The following OTUD7B variants were observed in gnomAD, a reference collection of about 807,000 sequenced individuals.
The protein encoded by OTUD7B is OTU deubiquitinase 7B, also known as OTU domain-containing protein 7B.
OTUD7B carries 34 observed loss-of-function variants against 82.2 expected under a neutral mutation model. The observed-to-expected ratio is 0.41, with a 90% CI of 0.31 to 0.55. The LOEUF (loss-of-function observed/expected upper bound fraction) is 0.55, where lower values mean the gene tolerates loss of function less well. Ranked by LOEUF, OTUD7B falls within the 20% of genes least tolerant of loss-of-function variation. The pLI, the probability that OTUD7B is intolerant of heterozygous loss-of-function variation, is 0.20. For synonymous variants in OTUD7B, 398 were observed against 402.7 expected (o/e 0.99, Z 0.14); for missense variants, 944 against 1,062.1 (o/e 0.89, Z 1.55).
rs587713941 is a variant in OTUD7B at position 149,968,796 on chromosome 1, T to C, written c.275-1275A>G. ...TGCAGTCTCGGCTCACTGCAACCTC[T>C]GCCTCCCAGGTTCAAGGGATTCTCC... On this transcript the variant is annotated intron_variant, in intron 3 of 11. Transcript: ENST00000581312. 9.2e-5 allele frequency among the ~76,000 whole-genome samples: 14 copies of C among 152,248 alleles called. No individual in the cohort carries two copies. The East Asian group carries it at 2.5e-3, about 27-fold the overall frequency.
chr1:149,997,306 G>C (rs587725419), intron 1 of OTUD7B, among the ~76,000 whole-genome samples: 1 of 152,076 alleles, frequency 6.6e-6, no homozygotes, highest in African/African-American at 2.4e-5. Flanking sequence ...GCTATTCAAC[G>C]CTGTAAAAAA....
At chr1:149,954,511 T>C (rs1553774164) in intron 7 of OTUD7B, among the ~76,000 whole-genome samples, 1 of 152,176 alleles carries the variant, frequency 6.6e-6, no homozygotes, top group Admixed American at 6.5e-5. Context: ...AAATTCTCTT[T>C]TTTTGTTGTG....
intron 4 of OTUD7B, 131 bp from the exon 5 acceptor site, chr1:149,966,009 CTT>C: frequency 1.6e-6 from 1 of 634,398 alleles, no homozygotes; most frequent in Non-Finnish European, 2.8e-6. Flanking sequence ...CTTGATTACT[CTT>C]TATATCTTCC....
At chr1:150,052,591 C>T in the OTUD7B span, among the ~76,000 whole-genome samples, 1 of 152,040 alleles carries the variant, frequency 6.6e-6, no homozygotes, top group African/African-American at 2.4e-5. Context: ...GGTCATATTG[C>T]CCAAAGCAAT....
intron 1 of OTUD7B, among the ~76,000 whole-genome samples, chr1:149,995,377 G>C (rs1553783105): frequency 6.6e-6 from 1 of 152,074 alleles, no homozygotes; most frequent in African/African-American, 2.4e-5. Context: ...TCAGGAGTTA[G>C]AGACTAGCCT....
chr1:150,027,299 G>T, the OTUD7B span, among the ~76,000 whole-genome samples: 2 of 152,046 alleles, frequency 1.3e-5, no homozygotes, highest in Admixed American at 1.3e-4. Flanking sequence ...AAATATAAAA[G>T]GTAAAGCCGG....
At chr1:150,009,802 T>A (rs879968092) in intron 1 of OTUD7B, among the ~76,000 whole-genome samples, 5 of 152,132 alleles carry the variant, frequency 3.3e-5, no homozygotes, top group Admixed American at 2.0e-4. Flanking sequence ...CTAGTAATTA[T>A]GAGAAGAGTG....
In OTUD7B at chr1:149,971,221, C is replaced by G. The variant is rs1424071027; in HGVS notation, c.116G>C (p.Ser39Thr). 6.2e-7 allele frequency: 1 copy of G among 1,612,052 alleles called. No homozygotes were observed. Among genetic ancestry groups the G allele is most frequent in the Non-Finnish European group, 8.5e-7 (1 of 1,178,468 alleles). ...GACTTGACGTAGCTGTTCAAAATCA[C>G]TGAGGGCGGCATTCACATCCCAATT... Reference protein sequence around the residue: ...GKNWDVNAALSDFEQLRQVHA... With the variant: ...GKNWDVNAALTDFEQLRQVHA... Residue 39 changes from serine (S) to threonine (T), a missense_variant, in exon 3 of 12, where the codon AGT becomes ACT. By Grantham distance (58) the Ser-to-Thr change is moderately conservative. This residue lies in a region of OTUD7B where 530 missense variants were observed against 625.6 expected (regional missense o/e 0.85). Coordinates refer to ENST00000581312, the MANE Select transcript of OTUD7B (RefSeq NM_020205.4).
chr1:150,000,109 G>A (rs1215827801), intron 1 of OTUD7B, among the ~76,000 whole-genome samples: 4 of 152,308 alleles, frequency 2.6e-5, no homozygotes, highest in East Asian at 1.9e-4. Flanking sequence ...AATCAGGAAC[G>A]TTTTTGTGGA....
the OTUD7B span, among the ~76,000 whole-genome samples, chr1:150,025,896 G>A: frequency 6.6e-6 from 1 of 152,212 alleles, no homozygotes; most frequent in Admixed American, 6.5e-5. Flanking sequence ...TCATACTTGA[G>A]ACAAAAGAGC....
the OTUD7B span, among the ~76,000 whole-genome samples, chr1:150,059,076 C>T: frequency 6.5e-5 from 8 of 122,552 alleles, no homozygotes; most frequent in African/African-American, 1.3e-4. Flanking sequence ...TTTTTTGTGA[C>T]GGAGTCTTAC....
At position 149,964,339 on chromosome 1, in the gene OTUD7B, A is replaced by G; in HGVS notation, c.615T>C (p.Gly205=). 2.5e-6 allele frequency: 4 copies of G among 1,612,770 alleles called. No individual in the cohort carries two copies. Among genetic ancestry groups the G allele is most frequent in the Non-Finnish European group, 3.4e-6 (4 of 1,179,512 alleles). Residue 205 remains glycine (G), a synonymous_variant, in exon 6 of 12, where the codon GGT becomes GGC. Coordinates refer to ENST00000581312, the MANE Select transcript of OTUD7B (RefSeq NM_020205.4). ...GCAGCATCAAGTCCCGATCATGGAA[A>G]CCCCACATTCCTGTGGCAAAAAAGC... ...LLHAASLGMW[G]FHDRDLMLRK...
Position 149,947,306 on chromosome 1 carries a change from T to C in OTUD7B, c.1268A>G (p.His423Arg). 1 of 1,610,366 alleles carries C rather than the reference T, an allele frequency of 6.2e-7. No individual in the cohort carries two copies. The highest frequency in any genetic ancestry group is 1.3e-5 in the African/African-American group (1 of 74,948). The change falls in exon 11 of 12, where the codon CAT (histidine) becomes CGT (arginine). Residue 423 changes from histidine to arginine, a missense_variant. His to Arg is a conservative substitution (Grantham distance 29). Transcript: ENST00000581312. ...CACATTCATGTAGCTATGCAGCAGA[T>C]GCAATTTGACCTCTAGGGACAGAAT... ...SVILSLEVKLHLLHSYMNVKW... is the reference protein window; with the variant it reads ...SVILSLEVKLRLLHSYMNVKW...
In OTUD7B at chr1:149,942,209, C is replaced by T. The variant is rs1158673007; in HGVS notation, c.*1648G>A. ...ACATACCTCAAAAGAGAAATCCAAA[C>T]ACAGAAAAACAGCCCCAGTTAATAC... is the stretch of plus-strand genomic sequence containing the variant. On this transcript the variant is annotated 3_prime_UTR_variant, in exon 12 of 12. Coordinates refer to ENST00000581312, the MANE Select transcript of OTUD7B (RefSeq NM_020205.4). 1 of 152,566 alleles carries T rather than the reference C, an allele frequency of 6.6e-6. No homozygotes were observed. Among genetic ancestry groups the T allele is most frequent in the Non-Finnish European group, 1.5e-5 (1 of 68,034 alleles). The allele number at this position is 152,566 out of a possible 1,614,324, so 9.5% of individuals were successfully genotyped here.
rs1553771693 is a variant in OTUD7B, at chr1:149,944,853, G to A, written c.1536C>T (p.Thr512=). The change falls in exon 12 of 12, where the codon ACC becomes ACT. Residue 512 remains threonine (T), a synonymous_variant. Transcript: ENST00000581312. The part of the protein sequence containing the change: ...VANKLGSFGK[T]LGSKLKKNMG... ...TGTTCTTCTTGAGCTTGCTGCCCAA[G>A]GTTTTGCCAAAGCTGCCCAGTTTGT... 6.2e-7 allele frequency: 1 copy of A among 1,614,012 alleles called. No individual in the cohort carries two copies. Among genetic ancestry groups the A allele is most frequent in the African/African-American group, 1.3e-5 (1 of 74,906 alleles).
the OTUD7B span, among the ~76,000 whole-genome samples, chr1:150,062,292 G>C: frequency 1.1e-4 from 17 of 152,112 alleles, no homozygotes; most frequent in Non-Finnish European, 2.2e-4. Flanking sequence ...ACTTCTGCTG[G>C]CAATATATGA....
chr1:150,015,762 G>T, the OTUD7B span, among the ~76,000 whole-genome samples: 1 of 152,120 alleles, frequency 6.6e-6, no homozygotes, highest in South Asian at 2.1e-4. Context: ...GGCTTCAGGG[G>T]AGATTGGCCT....
At chr1:149,975,697 T>C (rs781787285) in intron 2 of OTUD7B, among the ~76,000 whole-genome samples, 2 of 151,934 alleles carry the variant, frequency 1.3e-5, no homozygotes, top group Non-Finnish European at 2.9e-5. Flanking sequence ...CCTGGCTGCA[T>C]AGGAAGTATA....
intron 7 of OTUD7B, among the ~76,000 whole-genome samples, chr1:149,951,575 T>C (rs1273336089): frequency 2.6e-5 from 4 of 152,272 alleles, no homozygotes; most frequent in African/African-American, 9.6e-5. Context: ...GCTCCTGTCA[T>C]TCACATACTC....
Sources: allele counts gnomAD v4.1 joint callset (sites outside exome capture counted in the v4.1 genomes callset), GRCh38; gene constraint gnomAD v4.1.1; regional missense constraint gnomAD v4.1.1; transcripts MANE v1.5; gene names NCBI Gene and HGNC (gene_info 2026-07-23, HGNC 2026-07-21).